The following CELF1 variants were observed in gnomAD, a reference collection of about 807,000 sequenced individuals.
CELF1 encodes the protein CUGBP Elav-like family member 1, also known as 50 kDa nuclear polyadenylated RNA-binding protein.
Under a neutral mutation model 61.8 loss-of-function variants are expected in CELF1, and 10 were observed. The ratio of observed to expected loss-of-function variants is 0.16; its 90% CI spans 0.10 to 0.27. The LOEUF (loss-of-function observed/expected upper bound fraction) is 0.27. CELF1 is among the 10% of genes least tolerant of loss of function. The pLI, the probability that CELF1 is intolerant of heterozygous loss-of-function variation, is 1.00. For synonymous variants in CELF1, 236 were observed against 225.1 expected, an observed-to-expected ratio of 1.05 and a Z score of -0.43; for missense variants, 380 against 639.1, an observed-to-expected ratio of 0.59 and a Z score of 4.37.
chr11:47,526,228 G>A (rs2096236363), intron 1 of CELF1, among the ~76,000 whole-genome samples: 1 of 152,158 alleles, frequency 6.6e-6, no homozygotes, highest in Admixed American at 6.6e-5. Context: ...GCTGAGGCAG[G>A]AGAATCGCTT....
intron 1 of CELF1, among the ~76,000 whole-genome samples, chr11:47,536,557 T>A (rs113719797): frequency 0.016 from 2,423 of 151,754 alleles, 51 homozygotes; most frequent in African/African-American, 0.049. Flanking sequence ...TCAGGTGGAG[T>A]TGGAGGTCAG....
chr11:47,481,186 A>G (rs930828990), intron 9 of CELF1, among the ~76,000 whole-genome samples: 2 of 126,302 alleles, frequency 1.6e-5, no homozygotes, highest in Non-Finnish European at 3.1e-5. Flanking sequence ...ATCTTGGCTC[A>G]CTGCAACCTC....
At chr11:47,541,689 A>T (rs377602807) in intron 1 of CELF1, among the ~76,000 whole-genome samples, 3 of 105,212 alleles carry the variant, frequency 2.9e-5, no homozygotes, top group Admixed American at 1.0e-4. Context: ...AGACTGTCAA[A>T]GAAAGAAAGA....
At chr11:47,557,280 A>T (rs892364362), upstream of CELF1, among the ~76,000 whole-genome samples, 1 of 148,050 alleles carries the variant, frequency 6.8e-6, no homozygotes, top group Non-Finnish European at 1.5e-5. Flanking sequence ...GTCCAGTGGC[A>T]CAATCTCAGC....
In CELF1 at chr11:47,467,805, A is replaced by G. The variant is rs900276342; in HGVS notation, c.*4425T>C. On this transcript the variant is annotated 3_prime_UTR_variant, in exon 15 of 15. Transcript: ENST00000687097. ...ACACGAAGTGACAGTCTAAGTGCAC[A>G]GGCAAACGCTCTAAGGGCAATAGAG... is the stretch of plus-strand genomic sequence containing the variant. The G allele has an allele frequency of 1.3e-5, 2 of 152,262 alleles. No individual in the cohort carries two copies. Among genetic ancestry groups the G allele is most frequent in the Non-Finnish European group, 2.9e-5 (2 of 68,050 alleles). 9.4% of individuals were successfully genotyped at this position (152,262 alleles called of 1,614,324 possible).
upstream of CELF1, among the ~76,000 whole-genome samples, chr11:47,554,662 A>G (rs1598726913): frequency 1.5e-5 from 2 of 132,306 alleles, no homozygotes; most frequent in South Asian, 5.5e-4. Context: ...TATCTAACAC[A>G]GTTTTTTTTT....
chr11:47,484,371 A>G lies in CELF1; in HGVS notation c.526+18T>C. 6.3e-7 allele frequency: 1 copy of G among 1,595,394 alleles called. No homozygotes were observed. The highest frequency in any genetic ancestry group is 8.5e-7 in the Non-Finnish European group (1 of 1,175,038). On this transcript the variant is annotated intron_variant, in intron 7 of 14. Coordinates refer to ENST00000687097, the MANE Select transcript of CELF1 (RefSeq NM_001376376.1). ...AAACAAAAAACCAAAAGATTATTTA[A>G]AAGCTAAAACTACCTACCTCGGCTC...
At chr11:47,559,261 T>C (rs2097218634) in intron 2 of CELF1, among the ~76,000 whole-genome samples, 1 of 150,584 alleles carries the variant, frequency 6.6e-6, no homozygotes. Flanking sequence ...CAGATGGGGT[T>C]TCACCATGTT....
At chr11:47,505,000 G>A (rs1010977034) in intron 1 of CELF1, among the ~76,000 whole-genome samples, 1 of 150,884 alleles carries the variant, frequency 6.6e-6, no homozygotes, top group African/African-American at 2.4e-5. Flanking sequence ...TGCCTTGCCT[G>A]TAAAATTACC....
At chr11:47,512,443 G>A (rs1044763991) in intron 1 of CELF1, among the ~76,000 whole-genome samples, 10 of 138,070 alleles carry the variant, frequency 7.2e-5, no homozygotes, top group Non-Finnish European at 1.4e-4. Flanking sequence ...ATGAGCCACC[G>A]TGCCCAGAAT....
intron 2 of CELF1, among the ~76,000 whole-genome samples, chr11:47,559,554 T>G (rs1280654023): frequency 6.6e-6 from 1 of 152,158 alleles, no homozygotes; most frequent in Non-Finnish European, 1.5e-5. Flanking sequence ...CTCACTCTGT[T>G]GCCCAGGCTG....
chr11:47,531,759 T>C (rs887457481), intron 1 of CELF1, among the ~76,000 whole-genome samples: 8 of 152,200 alleles, frequency 5.3e-5, no homozygotes, highest in African/African-American at 1.9e-4. Flanking sequence ...TGTTTTGATA[T>C]TCTTTAGCTC....
chr11:47,556,887 G>GTTAT (rs762400986), upstream of CELF1, among the ~76,000 whole-genome samples: 20 of 152,046 alleles, frequency 1.3e-4, no homozygotes, highest in South Asian at 4.2e-4. Context: ...TCTCTATTTG[G>GTTAT]TTATTTATTT....
At chr11:47,512,578 G>T (rs1049209788) in intron 1 of CELF1, among the ~76,000 whole-genome samples, 1 of 151,162 alleles carries the variant, frequency 6.6e-6, no homozygotes, top group African/African-American at 2.4e-5. Context: ...GACCTCAAAT[G>T]ATCTGCCTGC....
Position 47,499,568 on chromosome 11 carries a change from AC to A in CELF1, c.-46del. On this transcript the variant is annotated 5_prime_UTR_variant, in exon 3 of 15. In the 5' UTR this introduces an upstream ATG that the reference lacks. Coordinates refer to ENST00000687097, the MANE Select transcript of CELF1 (RefSeq NM_001376376.1). ...GAAGCCAATGATATTAACTTGCTGC[AC>A]TTGTCTGATCCACAAATACACACAG... is the stretch of plus-strand genomic sequence containing the variant. The A allele has an allele frequency of 1.4e-6, 2 of 1,452,210 alleles. No homozygotes were observed. The highest frequency in any genetic ancestry group is 1.9e-6 in the Non-Finnish European group (2 of 1,070,686). 90.0% of individuals were successfully genotyped at this position (1,452,210 alleles called of 1,614,324 possible).
intron 1 of CELF1, among the ~76,000 whole-genome samples, chr11:47,532,513 G>C (rs955159846): frequency 1.3e-5 from 2 of 152,194 alleles, no homozygotes; most frequent in African/African-American, 4.8e-5. Context: ...TCCATGGATA[G>C]AAAGTTTCTC....
rs1309259675 is a variant in CELF1, at chr11:47,487,279, A to G, written c.260-38T>C. 5.3e-6 allele frequency: 8 copies of G among 1,515,762 alleles called. No individual in the cohort carries two copies. In the Admixed American group the frequency reaches 8.4e-5, roughly 16 times the overall value. The allele number at this position is 1,515,762 out of a possible 1,614,324, so 93.9% of individuals were successfully genotyped here. A position where few individuals can be genotyped will look rare whatever the true frequency, so the allele number is the denominator to read the frequency against. ...AGATTTCATAAAATCAAACTTTGGA[A>G]AGCAGAGAATTCCTAGAGCAATCCT... On this transcript the variant is annotated intron_variant, in intron 4 of 14. Coordinates refer to ENST00000687097, the MANE Select transcript of CELF1 (RefSeq NM_001376376.1).
In CELF1 at chr11:47,468,898, A is replaced by G. The variant is rs2077101559; in HGVS notation, c.*3332T>C. 1 of 152,432 alleles carries G rather than the reference A, an allele frequency of 6.6e-6. No homozygotes were observed. Among genetic ancestry groups the G allele is most frequent in the African/African-American group, 2.4e-5 (1 of 41,438 alleles). The allele number at this position is 152,432 out of a possible 1,614,324, so 9.4% of individuals were successfully genotyped here. On this transcript the variant is annotated 3_prime_UTR_variant, in exon 15 of 15. Transcript: ENST00000687097. The stretch of plus-strand genomic sequence containing the variant: ...ATGAACAAACGGCAGGAATCTAGAA[A>G]AAAAAACAAACCAGAAAGAGGGAGA...
chr11:47,481,521 T>G (rs1292246871), intron 9 of CELF1, among the ~76,000 whole-genome samples: 1 of 152,218 alleles, frequency 6.6e-6, no homozygotes, highest in South Asian at 2.1e-4. Flanking sequence ...CAGTGCCTTT[T>G]GTCTGTTTCC....
Sources: gnomAD v4.1 joint callset for allele counts (sites outside exome capture counted in the v4.1 genomes callset) on GRCh38, gnomAD v4.1.1 for gene constraint, MANE v1.5 for transcripts, NCBI Gene and HGNC (gene_info 2026-07-23, HGNC 2026-07-21) for gene names.